L3MBTL4: variants seen among roughly 807,000 people sequenced by gnomAD.
The protein encoded by L3MBTL4 is lethal(3)malignant brain tumor-like protein 4.
L3MBTL4 carries 70 observed loss-of-function variants against 84.5 expected under a neutral mutation model. The ratio of observed to expected loss-of-function variants is 0.83; its 90% CI spans 0.68 to 1.01. The LOEUF (loss-of-function observed/expected upper bound fraction) is 1.01. L3MBTL4 is among the 50% of genes least tolerant of loss of function. The pLI is 0.00. For synonymous variants in L3MBTL4, 274 were observed against 259.8 expected (o/e 1.05, Z -0.52); for missense variants, 715 against 754.8 (o/e 0.95, Z 0.62).
chr18:6,141,937 T>C lies in L3MBTL4; in HGVS notation c.1097-3641A>G, dbSNP rs76368636. Among the ~76,000 whole-genome samples the C allele has an allele frequency of 2.6e-3, 400 of 152,330 alleles. 2 individuals carry two copies. Among genetic ancestry groups the C allele is most frequent in the African/African-American group, 9.1e-3 (380 of 41,582 alleles). ...TGATTGGACTTGATTTTTCTCCTCA[T>C]TCAGGATTCTGCATCCATGCTGGCC... On this transcript the variant is annotated intron_variant, in intron 13 of 18. Coordinates refer to ENST00000317931, the MANE Select transcript of L3MBTL4 (RefSeq NM_001330559.2).
chr18:6,211,621 A>T (rs1029348567), intron 12 of L3MBTL4, among the ~76,000 whole-genome samples: 4 of 151,926 alleles, frequency 2.6e-5, no homozygotes, highest in Non-Finnish European at 5.9e-5. Flanking sequence ...ATGTGCTATT[A>T]TGACTGAGCT....
intron 12 of L3MBTL4, among the ~76,000 whole-genome samples, chr18:6,208,460 A>G (rs924788063): frequency 3.9e-5 from 6 of 152,236 alleles, no homozygotes; most frequent in African/African-American, 1.2e-4. Context: ...AAGAGACTCA[A>G]TTTATTAATG....
At chr18:5,966,941 G>A (rs2052380271) in intron 17 of L3MBTL4, among the ~76,000 whole-genome samples, 1 of 152,210 alleles carries the variant, frequency 6.6e-6, no homozygotes. Flanking sequence ...CCTTTGAAAT[G>A]TCTATTGAAT....
At chr18:6,107,381 A>G (rs1366703179) in intron 14 of L3MBTL4, among the ~76,000 whole-genome samples, 2 of 152,100 alleles carry the variant, frequency 1.3e-5, no homozygotes. Flanking sequence ...TGGCTCTCGA[A>G]TTGGGAAAGT....
At chr18:6,393,586 G>A (rs772740172) in intron 1 of L3MBTL4, among the ~76,000 whole-genome samples, 3 of 152,210 alleles carry the variant, frequency 2.0e-5, no homozygotes, top group Non-Finnish European at 4.4e-5. Flanking sequence ...AACACTCTCA[G>A]GACAGTTGCT....
At chr18:6,109,704 G>T (rs749942132) in intron 14 of L3MBTL4, among the ~76,000 whole-genome samples, 1 of 152,124 alleles carries the variant, frequency 6.6e-6, no homozygotes, top group African/African-American at 2.4e-5. Context: ...GAAGCTGCCC[G>T]TGCACCCCAG....
At chr18:6,213,678 C>T (rs931869404) in intron 11 of L3MBTL4, among the ~76,000 whole-genome samples, 1 of 152,084 alleles carries the variant, frequency 6.6e-6, no homozygotes, top group Non-Finnish European at 1.5e-5. Context: ...TCCCAAAGTG[C>T]TGGGATTACA....
At chr18:6,248,230 C>A (rs1296230417) in intron 5 of L3MBTL4, among the ~76,000 whole-genome samples, 1 of 152,156 alleles carries the variant, frequency 6.6e-6, no homozygotes, top group African/African-American at 2.4e-5. Context: ...AGTTTCAGAA[C>A]TGTTTTACCC....
At chr18:6,184,372 T>C (rs2044624197) in intron 12 of L3MBTL4, among the ~76,000 whole-genome samples, 3 of 152,206 alleles carry the variant, frequency 2.0e-5, no homozygotes, top group Non-Finnish European at 4.4e-5. Context: ...TGTTGAAGCA[T>C]TAACACTCAT....
Position 6,250,701 on chromosome 18 carries a change from A to T in L3MBTL4, c.220-6113T>A, listed in dbSNP as rs1026872435. On this transcript the variant is annotated intron_variant, in intron 5 of 18. Coordinates refer to ENST00000317931, the MANE Select transcript of L3MBTL4 (RefSeq NM_001330559.2). ...GGCACACATTTTAACATGTTATACA[A>T]AGAACTGGGCAAGGACCTCAGGCCA... Among the ~76,000 whole-genome samples the T allele has an allele frequency of 4.6e-5, 7 of 152,348 alleles. No individual in the cohort carries two copies. In the South Asian group the frequency reaches 1.4e-3, roughly 32 times the overall value.
chr18:5,973,181 G>A (rs564402924), intron 16 of L3MBTL4, among the ~76,000 whole-genome samples: 13 of 152,304 alleles, frequency 8.5e-5, no homozygotes, highest in African/African-American at 2.4e-4. Context: ...TGTGAAATCC[G>A]GACTGAGATT....
chr18:6,001,365 C>A (rs965274318), intron 16 of L3MBTL4, among the ~76,000 whole-genome samples: 2 of 152,182 alleles, frequency 1.3e-5, no homozygotes, highest in African/African-American at 4.8e-5. Flanking sequence ...TCACCATGCA[C>A]GACCAAGGAA....
chr18:6,393,232 C>T (rs1266677625), intron 1 of L3MBTL4, among the ~76,000 whole-genome samples: 1 of 152,152 alleles, frequency 6.6e-6, no homozygotes, highest in East Asian at 1.9e-4. Flanking sequence ...TTTCTCTGTG[C>T]ACTATCTCAC....
Position 6,257,686 on chromosome 18 carries a change from G to A in L3MBTL4, c.219+6261C>T, listed in dbSNP as rs544295021. Among the ~76,000 whole-genome samples, 64 of 121,652 alleles carry A rather than the reference G, an allele frequency of 5.3e-4. No homozygotes were observed. The Middle Eastern group carries it at 0.03, about 58-fold the overall frequency. 79.8% of individuals were successfully genotyped at this position (121,652 alleles called of 152,430 possible). ...TTTTAAATGGAGTTTCGCTCTTGTT[G>A]CCCAGGCTGGAGTGCAATGGCGCAA... is the stretch of plus-strand genomic sequence containing the variant. On this transcript the variant is annotated intron_variant, in intron 5 of 18. Transcript: ENST00000317931.
intron 13 of L3MBTL4, among the ~76,000 whole-genome samples, chr18:6,141,376 G>C (rs1227125010): frequency 1.3e-5 from 2 of 152,120 alleles, no homozygotes; most frequent in Non-Finnish European, 2.9e-5. Flanking sequence ...GCATGCTACA[G>C]ATGCTCACAG....
At chr18:6,062,325 G>A (rs2057250164) in intron 16 of L3MBTL4, among the ~76,000 whole-genome samples, 1 of 151,978 alleles carries the variant, frequency 6.6e-6, no homozygotes. Flanking sequence ...CATAGTTTCT[G>A]AAGAGAAGTC....
In L3MBTL4 at chr18:6,130,782, T is replaced by C. The variant is rs930311172; in HGVS notation, c.1199+7412A>G. ...ATTGTCATCTTTAAATATTCCTATG[T>C]TAACAAATACACCTACTTCACTTTA... On this transcript the variant is annotated intron_variant, in intron 14 of 18. Coordinates refer to ENST00000317931, the MANE Select transcript of L3MBTL4 (RefSeq NM_001330559.2). 9.9e-5 allele frequency among the ~76,000 whole-genome samples: 15 copies of C among 152,172 alleles called. 1 individual carries two copies. Among genetic ancestry groups the C allele is most frequent in the Admixed American group, 7.2e-4 (11 of 15,270 alleles).
chr18:6,379,750 T>C (rs1458114723), intron 1 of L3MBTL4, among the ~76,000 whole-genome samples: 2 of 152,244 alleles, frequency 1.3e-5, no homozygotes, highest in Non-Finnish European at 2.9e-5. Context: ...TGCATCAATG[T>C]TCATCAGGGA....
intron 16 of L3MBTL4, among the ~76,000 whole-genome samples, chr18:6,066,115 A>G (rs567557939): frequency 6.6e-6 from 1 of 152,282 alleles, no homozygotes; most frequent in African/African-American, 2.4e-5. Flanking sequence ...TTGTTAAACC[A>G]AAAATTATTC....
Sources: gnomAD v4.1 joint callset for allele counts (sites outside exome capture counted in the v4.1 genomes callset) on GRCh38, gnomAD v4.1.1 for gene constraint, MANE v1.5 for transcripts, NCBI Gene and HGNC (gene_info 2026-07-23, HGNC 2026-07-21) for gene names.